The following SHROOM3 variants were observed in gnomAD, a reference collection of about 807,000 sequenced individuals.
The protein encoded by SHROOM3 is shroom family member 3.
SHROOM3 carries 47 observed loss-of-function variants against 138.6 expected under a neutral mutation model. That is an observed-to-expected ratio of 0.34 (90% CI 0.27 to 0.43). The LOEUF (loss-of-function observed/expected upper bound fraction) is 0.43. Among genes scored for constraint, SHROOM3 ranks in the 20% least tolerant of loss-of-function variants. The pLI is 1.00. For synonymous variants in SHROOM3, 1,062 were observed against 1,063.3 expected (o/e 1.00, Z 0.02); for missense variants, 2,491 against 2,596.5 (o/e 0.96, Z 0.88).
chr4:76,714,087 A>C (rs995653158), intron 3 of SHROOM3, among the ~76,000 whole-genome samples: 12 of 152,200 alleles, frequency 7.9e-5, no homozygotes, highest in African/African-American at 2.7e-4. Context: ...TTTCCTGTAT[A>C]CCTGTCACCC....
At chr4:76,507,381 TTTCTC>T (rs1732233272) in intron 1 of SHROOM3, among the ~76,000 whole-genome samples, 1 of 152,196 alleles carries the variant, frequency 6.6e-6, no homozygotes, top group South Asian at 2.1e-4. Context: ...GCAGGGCCAA[TTTCTC>T]TACATCTTCA....
At chr4:76,467,941 AT>A (rs1731280792) in intron 1 of SHROOM3, among the ~76,000 whole-genome samples, 1 of 152,222 alleles carries the variant, frequency 6.6e-6, no homozygotes, top group South Asian at 2.1e-4. Flanking sequence ...TTCAGTCTTG[AT>A]TTAAACTAGC....
intron 5 of SHROOM3, among the ~76,000 whole-genome samples, chr4:76,745,100 T>A (rs1196774772): frequency 1.3e-5 from 2 of 152,214 alleles, no homozygotes; most frequent in African/African-American, 4.8e-5. Flanking sequence ...CTTTAATTCC[T>A]CTTCATTGCA....
chr4:76,456,855 TAG>T, intron 1 of SHROOM3, among the ~76,000 whole-genome samples: 1 of 152,256 alleles, frequency 6.6e-6, no homozygotes, highest in African/African-American at 2.4e-5. Context: ...GGTTTTGGGA[TAG>T]GCGGTGAAGT....
intron 4 of SHROOM3, among the ~76,000 whole-genome samples, chr4:76,736,356 T>G (rs1229326881): frequency 1.3e-5 from 2 of 152,198 alleles, no homozygotes; most frequent in Non-Finnish European, 2.9e-5. Context: ...TGTCCCGAAG[T>G]AGGATGCGCC....
chr4:76,561,240 C>A (rs1317673886), intron 2 of SHROOM3, among the ~76,000 whole-genome samples: 1 of 152,132 alleles, frequency 6.6e-6, no homozygotes, highest in African/African-American at 2.4e-5. Context: ...TGGAAGGAAA[C>A]AATTCTTTTT....
At chr4:76,535,536 C>A (rs1049501033) in intron 1 of SHROOM3, among the ~76,000 whole-genome samples, 1 of 152,202 alleles carries the variant, frequency 6.6e-6, no homozygotes, top group African/African-American at 2.4e-5. Context: ...ACTTAAGGGG[C>A]TGCTGCATAA....
In SHROOM3 at chr4:76,778,987, A is replaced by G; in HGVS notation, c.5801A>G (p.Glu1934Gly). 2 of 1,614,182 alleles carry G rather than the reference A, an allele frequency of 1.2e-6. No homozygotes were observed. Among genetic ancestry groups the G allele is most frequent in the Non-Finnish European group, 1.7e-6 (2 of 1,180,030 alleles). Reference sequence around the variant, plus strand: ...AAAATGAAGTCCACGCTCCTCATTGAGCAACGGAAGCTGGATGACAAGATC... The same window carrying G: ...AAAATGAAGTCCACGCTCCTCATTGGGCAACGGAAGCTGGATGACAAGATC... ...FVKMKSTLLI[E>G]QRKLDDKIKL... The change falls in exon 11 of 11, where the codon GAG becomes GGG. Residue 1934 changes from glutamate (E) to glycine (G), a missense_variant. Physicochemically the swap from Glu to Gly is moderately conservative, Grantham distance 98. Around this residue, in one of 4 missense-constraint regions of SHROOM3, gnomAD observed 470 missense variants for 595.0 expected, o/e 0.79. Transcript: ENST00000296043.
At chr4:76,481,636 T>C (rs570082221) in intron 1 of SHROOM3, among the ~76,000 whole-genome samples, 3 of 152,258 alleles carry the variant, frequency 2.0e-5, no homozygotes, top group African/African-American at 7.2e-5. Flanking sequence ...CCCTAACTCA[T>C]GTTTAACTCA....
intron 2 of SHROOM3, among the ~76,000 whole-genome samples, chr4:76,683,802 T>G (rs1286917936): frequency 1.3e-5 from 2 of 152,204 alleles, no homozygotes; most frequent in Non-Finnish European, 2.9e-5. Context: ...ATTAAAATGT[T>G]TATTATACAA....
At chr4:76,613,964 CAAGA>C (rs1734817639) in intron 2 of SHROOM3, among the ~76,000 whole-genome samples, 1 of 152,146 alleles carries the variant, frequency 6.6e-6, no homozygotes, top group African/African-American at 2.4e-5. Context: ...GCTACAGGAC[CAAGA>C]AAGAAACACA....
At chr4:76,750,285 C>T (rs915698959) in intron 6 of SHROOM3, among the ~76,000 whole-genome samples, 13 of 151,720 alleles carry the variant, frequency 8.6e-5, no homozygotes, top group African/African-American at 2.4e-4. Context: ...AAAGACGGGA[C>T]GAAACAACAA....
At chr4:76,694,138 A>C (rs1296786738) in intron 2 of SHROOM3, among the ~76,000 whole-genome samples, 1 of 152,234 alleles carries the variant, frequency 6.6e-6, no homozygotes, top group Non-Finnish European at 1.5e-5. Context: ...ATATTTTGCC[A>C]ACTCCAAGTG....
At chr4:76,707,576 G>C (rs1720094336) in intron 2 of SHROOM3, among the ~76,000 whole-genome samples, 7 of 152,104 alleles carry the variant, frequency 4.6e-5, no homozygotes, top group Admixed American at 4.6e-4. Context: ...AGTCTGTTTT[G>C]AGGCTAAGTA....
At chr4:76,598,990 G>A (rs530461747) in intron 2 of SHROOM3, among the ~76,000 whole-genome samples, 4 of 152,218 alleles carry the variant, frequency 2.6e-5, no homozygotes, top group African/African-American at 9.6e-5. Context: ...TGTGGGAGGG[G>A]AAGGAAAGGA....
intron 2 of SHROOM3, among the ~76,000 whole-genome samples, chr4:76,558,710 A>C (rs1331556534): frequency 6.6e-6 from 1 of 152,238 alleles, no homozygotes; most frequent in African/African-American, 2.4e-5. Context: ...ATAAGTGAAA[A>C]GTATGCCATA....
chr4:76,718,854 C>A (rs181602659), intron 3 of SHROOM3, among the ~76,000 whole-genome samples: 2 of 152,204 alleles, frequency 1.3e-5, no homozygotes, highest in South Asian at 2.1e-4. Flanking sequence ...TTAATTTATT[C>A]TTGGCCTTGT....
rs534764779 is a variant in SHROOM3, at chr4:76,632,679, C to T, written c.323+76916C>T. Among the ~76,000 whole-genome samples, 11 of 152,244 alleles carry T rather than the reference C, an allele frequency of 7.2e-5. No homozygotes were observed. In the South Asian group the frequency reaches 2.1e-3, roughly 29 times the overall value. ...TCTATCACCATTTTAGCTAGTGATACGGTAATGAGGCAGGACTACAAGCAG... is the reference window on the plus strand; with the variant it reads ...TCTATCACCATTTTAGCTAGTGATATGGTAATGAGGCAGGACTACAAGCAG... On this transcript the variant is annotated intron_variant, in intron 2 of 10. Coordinates refer to ENST00000296043, the MANE Select transcript of SHROOM3 (RefSeq NM_020859.4).
chr4:76,703,063 A>C (rs1050517594), intron 2 of SHROOM3, among the ~76,000 whole-genome samples: 1 of 152,224 alleles, frequency 6.6e-6, no homozygotes, highest in Non-Finnish European at 1.5e-5. Context: ...ATCAAGTGAA[A>C]AAAAGCAGCA....
Sources: allele counts gnomAD v4.1 joint callset (sites outside exome capture counted in the v4.1 genomes callset), GRCh38; gene constraint gnomAD v4.1.1; regional missense constraint gnomAD v4.1.1; transcripts MANE v1.5; gene names NCBI Gene and HGNC (gene_info 2026-07-23, HGNC 2026-07-21).